Variants in EDAR observed in about 807,000 individuals in gnomAD.
The protein encoded by EDAR is tumor necrosis factor receptor superfamily member EDAR.
In EDAR, 38 loss-of-function variants were observed where a neutral mutation model predicts 51.3. The ratio of observed to expected loss-of-function variants is 0.74; its 90% CI spans 0.57 to 0.97. The LOEUF is 0.97. Ranked by LOEUF, EDAR falls within the 50% of genes least tolerant of loss-of-function variation. EDAR has a pLI of 0.00. For synonymous variants in EDAR, 227 were observed against 242.1 expected, an observed-to-expected ratio of 0.94 and a Z score of 0.58; for missense variants, 528 against 595.0, an observed-to-expected ratio of 0.89 and a Z score of 1.17.
chr2:108,903,085 G>A (rs1240007184), intron 11 of EDAR, among the ~76,000 whole-genome samples: 1 of 152,126 alleles, frequency 6.6e-6, no homozygotes, highest in Non-Finnish European at 1.5e-5. Context: ...AAAATCAATT[G>A]TATTTCTATA....
chr2:108,977,138 C>T (rs146756314), intron 1 of EDAR, among the ~76,000 whole-genome samples: 259 of 152,250 alleles, frequency 1.7e-3, no homozygotes, highest in Middle Eastern at 6.8e-3. Flanking sequence ...CTGGCCCGGG[C>T]CTGGGTTTTC....
At chr2:108,961,018 C>T (rs186445960) in intron 1 of EDAR, among the ~76,000 whole-genome samples, 2 of 152,284 alleles carry the variant, frequency 1.3e-5, no homozygotes, top group African/African-American at 4.8e-5. Flanking sequence ...ACAATAGAGT[C>T]CCAGTGGTAG....
At chr2:108,908,333 T>C (rs1422614994) in intron 9 of EDAR, among the ~76,000 whole-genome samples, 1 of 152,172 alleles carries the variant, frequency 6.6e-6, no homozygotes, top group East Asian at 1.9e-4. Flanking sequence ...TGACACACAA[T>C]GGATGCTCCG....
At chr2:108,941,303 C>T (rs1162621845) in intron 1 of EDAR, among the ~76,000 whole-genome samples, 1 of 152,174 alleles carries the variant, frequency 6.6e-6, no homozygotes, top group Admixed American at 6.5e-5. Context: ...CTGGGCAGTC[C>T]TGACCTTGCT....
chr2:108,946,505 A>G (rs1268787977), intron 1 of EDAR, among the ~76,000 whole-genome samples: 1 of 152,216 alleles, frequency 6.6e-6, no homozygotes, highest in Admixed American at 6.5e-5. Flanking sequence ...TAAAAAGTGG[A>G]ATTATATTAG....
chr2:108,940,259 T>C (rs868187136), intron 1 of EDAR: 6 of 152,296 alleles, frequency 3.9e-5, no homozygotes, highest in South Asian at 2.1e-4. Flanking sequence ...AGGCTGGCTA[T>C]TGTAGGTAAT....
Position 108,894,959 on chromosome 2 carries a change from T to C in EDAR, c.*1948A>G, listed in dbSNP as rs1249503801. The C allele has an allele frequency of 6.6e-6, 1 of 152,244 alleles. No homozygotes were observed. The highest frequency in any genetic ancestry group is 2.4e-5 in the African/African-American group (1 of 41,414). The allele number at this position is 152,244 out of a possible 1,614,324, so 9.4% of individuals were successfully genotyped here. ...ATTCTGAGGAGGGTGCAAGCTGTTA[T>C]CCTGGAATGGCACACTCATCACAAG... On this transcript the variant is annotated 3_prime_UTR_variant, in exon 12 of 12. Transcript: ENST00000258443.
At chr2:108,945,678 T>A (rs1697701926) in intron 1 of EDAR, among the ~76,000 whole-genome samples, 2 of 152,204 alleles carry the variant, frequency 1.3e-5, no homozygotes, top group African/African-American at 4.8e-5. Context: ...GGATCCCAAA[T>A]GGATAAACAA....
At chr2:108,936,649 C>T (rs533416140) in intron 1 of EDAR, among the ~76,000 whole-genome samples, 1 of 152,330 alleles carries the variant, frequency 6.6e-6, no homozygotes, top group South Asian at 2.1e-4. Context: ...GACAGACCTC[C>T]CTTCCCTGTA....
At chr2:108,902,661 A>G (rs978155124) in intron 11 of EDAR, among the ~76,000 whole-genome samples, 2 of 152,232 alleles carry the variant, frequency 1.3e-5, no homozygotes, top group Middle Eastern at 3.2e-3. Context: ...ATAGAATGCA[A>G]CCATAAAAAA....
In EDAR at chr2:108,930,179, G is replaced by GA. The variant is rs766545895; in HGVS notation, c.114_115insT (p.Gln39SerfsTer56). 1 of 1,614,086 alleles carries GA rather than the reference G, an allele frequency of 6.2e-7. No homozygotes were observed. The highest frequency in any genetic ancestry group is 8.5e-7 in the Non-Finnish European group (1 of 1,180,040). On this transcript the variant is annotated frameshift_variant, in exon 3 of 12. Transcript: ENST00000258443. LOFTEE classifies it high-confidence loss of function. ...CACTCCTGGCACAGCCCCGTAGTCT[G>GA]GTTGTAGTACTCGTTCTCACCGCAG...
At chr2:108,942,304 C>T (rs542073699) in intron 1 of EDAR, among the ~76,000 whole-genome samples, 11 of 152,288 alleles carry the variant, frequency 7.2e-5, no homozygotes, top group African/African-American at 2.2e-4. Context: ...GGCACAATGC[C>T]GGATCTACTC....
chr2:108,909,603 G>A (rs541857298), intron 9 of EDAR, among the ~76,000 whole-genome samples: 1 of 152,216 alleles, frequency 6.6e-6, no homozygotes, highest in Non-Finnish European at 1.5e-5. Flanking sequence ...AGTGGCTGTC[G>A]GGCAGAGGCC....
chr2:108,961,193 A>G (rs1466024925), intron 1 of EDAR, among the ~76,000 whole-genome samples: 1 of 152,248 alleles, frequency 6.6e-6, no homozygotes, highest in Non-Finnish European at 1.5e-5. Flanking sequence ...AGGCCCAGAC[A>G]GAAAAAGAAG....
At chr2:108,983,657 C>T (rs560292444) in intron 1 of EDAR, among the ~76,000 whole-genome samples, 45 of 152,290 alleles carry the variant, frequency 3.0e-4, no homozygotes, top group African/African-American at 9.4e-4. Flanking sequence ...CCCTCCTAAT[C>T]GACCTGCATC....
intron 1 of EDAR, among the ~76,000 whole-genome samples, chr2:108,941,645 C>G (rs1465914796): frequency 1.3e-5 from 2 of 152,204 alleles, no homozygotes; most frequent in Non-Finnish European, 2.9e-5. Context: ...CACCCAGGGA[C>G]TAGTTCTCAA....
At chr2:108,923,974 GAC>G (rs1697200770) in intron 4 of EDAR, among the ~76,000 whole-genome samples, 1 of 152,256 alleles carries the variant, frequency 6.6e-6, no homozygotes, top group Non-Finnish European at 1.5e-5. Context: ...AGCTGCAGGA[GAC>G]AGACGGTTGT....
At chr2:108,954,094 C>T (rs1378833421) in intron 1 of EDAR, among the ~76,000 whole-genome samples, 2 of 152,094 alleles carry the variant, frequency 1.3e-5, no homozygotes, top group Non-Finnish European at 2.9e-5. Flanking sequence ...TCTCAGATAA[C>T]CCAGTGAGGA....
intron 1 of EDAR, among the ~76,000 whole-genome samples, chr2:108,962,181 T>C (rs557462753): frequency 5.9e-5 from 9 of 152,348 alleles, no homozygotes; most frequent in Non-Finnish European, 1.3e-4. Flanking sequence ...GGTTCCCTGA[T>C]GGCAGATGGC....
Sources: gnomAD v4.1 joint callset for allele counts (sites outside exome capture counted in the v4.1 genomes callset) on GRCh38, gnomAD v4.1.1 for gene constraint, MANE v1.5 for transcripts, NCBI Gene and HGNC (gene_info 2026-07-23, HGNC 2026-07-21) for gene names.